NECAB1: variants seen among roughly 807,000 people sequenced by gnomAD.
NECAB1 encodes the protein N-terminal EF-hand calcium-binding protein 1.
A neutral mutation model predicts 57.5 loss-of-function variants in NECAB1; 29 were observed. That is an observed-to-expected ratio of 0.50 (90% CI 0.38 to 0.69). The LOEUF is 0.69. NECAB1 is among the 30% of genes least tolerant of loss of function. The pLI is 0.00. For missense variants in NECAB1, 372 were observed against 413.8 expected, an observed-to-expected ratio of 0.90 and a Z score of 0.88; for synonymous variants, 142 against 147.7, an observed-to-expected ratio of 0.96 and a Z score of 0.28.
intron 4 of NECAB1, chr8:90,872,589 C>A (rs2051992975): frequency 6.5e-6 from 1 of 152,796 alleles, no homozygotes; most frequent in Non-Finnish European, 1.5e-5. Context: ...GTAAATGTCA[C>A]TTGCAAAACA....
At chr8:90,900,484 G>A (rs1023939794) in intron 5 of NECAB1, among the ~76,000 whole-genome samples, 4 of 152,166 alleles carry the variant, frequency 2.6e-5, no homozygotes, top group African/African-American at 9.7e-5. Flanking sequence ...ACACAAAGGG[G>A]TTAGTAGACT....
At chr8:90,917,752 G>C in intron 6 of NECAB1, 124 bp downstream of exon 6, 1 of 884,012 alleles carries the variant, frequency 1.1e-6, no homozygotes, top group South Asian at 3.9e-5. Flanking sequence ...TAAAAAGAAT[G>C]ACAGTGACCT....
chr8:90,900,028 C>G (rs890516376), intron 5 of NECAB1, among the ~76,000 whole-genome samples: 4 of 152,112 alleles, frequency 2.6e-5, no homozygotes, highest in Non-Finnish European at 5.9e-5. Flanking sequence ...TTGAAGAGTA[C>G]CTTAGTGTTT....
intron 6 of NECAB1, among the ~76,000 whole-genome samples, chr8:90,923,095 C>T (rs1197833654): frequency 1.3e-5 from 2 of 152,066 alleles, no homozygotes; most frequent in Non-Finnish European, 2.9e-5. Flanking sequence ...TATCACAGAA[C>T]CTCAGAAAAG....
chr8:90,890,430 C>A (rs1265975363), intron 5 of NECAB1, among the ~76,000 whole-genome samples: 2 of 152,096 alleles, frequency 1.3e-5, no homozygotes, highest in East Asian at 3.9e-4. Flanking sequence ...AATTAAATGT[C>A]TTTTCTTTAT....
Position 90,853,629 on chromosome 8 carries a change from A to T in NECAB1, c.234-18499A>T, listed in dbSNP as rs113505138. On this transcript the variant is annotated intron_variant, in intron 3 of 12. Transcript: ENST00000417640. ...TACTTCTTAGAGTATTTGTTTGTTT[A>T]TTTGGAGAGAATACAATATTAAAAT... 1.9e-3 allele frequency among the ~76,000 whole-genome samples: 286 copies of T among 152,190 alleles called. 1 individual carries two copies. Among genetic ancestry groups the T allele is most frequent in the African/African-American group, 6.7e-3 (278 of 41,526 alleles).
intron 3 of NECAB1, among the ~76,000 whole-genome samples, chr8:90,834,575 C>T (rs903213448): frequency 6.6e-6 from 1 of 152,090 alleles, no homozygotes; most frequent in African/African-American, 2.4e-5. Context: ...ACTTAGCCTC[C>T]AGAACTGTGA....
intron 2 of NECAB1, among the ~76,000 whole-genome samples, chr8:90,810,569 A>G (rs1811942218): frequency 6.6e-6 from 1 of 152,214 alleles, no homozygotes; most frequent in Admixed American, 6.5e-5. Flanking sequence ...AAATATAGTT[A>G]AAGTCCCAAG....
chr8:90,893,648 A>G (rs551039178), intron 5 of NECAB1, among the ~76,000 whole-genome samples: 82 of 151,938 alleles, frequency 5.4e-4, no homozygotes, highest in Admixed American at 3.1e-3. Context: ...GCAACACAAT[A>G]CTCTTTCTGA....
At chr8:90,818,752 C>G (rs554105921) in intron 2 of NECAB1, among the ~76,000 whole-genome samples, 4 of 152,038 alleles carry the variant, frequency 2.6e-5, no homozygotes, top group African/African-American at 9.6e-5. Context: ...CTTTGGTACT[C>G]TCTGAGCTTC....
chr8:90,846,744 G>T (rs1476629417), intron 3 of NECAB1, among the ~76,000 whole-genome samples: 2 of 152,184 alleles, frequency 1.3e-5, no homozygotes, highest in Non-Finnish European at 2.9e-5. Flanking sequence ...GTCTTACATG[G>T]CATTACGCAA....
At chr8:90,906,874 C>CATATATATATATATATATATAT (rs1290352726) in intron 5 of NECAB1, among the ~76,000 whole-genome samples, 4 of 42,652 alleles carry the variant, frequency 9.4e-5, no homozygotes, top group African/African-American at 6.4e-4. Context: ...ATATGATATA[C>CATATATATATATATATATATAT]ACATATATAT....
At chr8:90,792,494 G>T (rs1811593056) in intron 1 of NECAB1, among the ~76,000 whole-genome samples, 1 of 152,118 alleles carries the variant, frequency 6.6e-6, no homozygotes. Flanking sequence ...TTTTTACAGC[G>T]GTGGGAAATA....
At chr8:90,923,560 A>T (rs1459101818) in intron 6 of NECAB1, among the ~76,000 whole-genome samples, 1 of 152,252 alleles carries the variant, frequency 6.6e-6, no homozygotes. Context: ...TCAGACTTGT[A>T]GTTCCTCCTT....
intron 8 of NECAB1, among the ~76,000 whole-genome samples, chr8:90,931,554 G>C (rs1478345652): frequency 1.3e-5 from 2 of 152,186 alleles, no homozygotes; most frequent in Non-Finnish European, 2.9e-5. Context: ...GCCTCCATGA[G>C]AATTTATGGG....
At chr8:90,863,799 T>C (rs1269158077) in intron 3 of NECAB1, among the ~76,000 whole-genome samples, 1 of 152,170 alleles carries the variant, frequency 6.6e-6, no homozygotes, top group East Asian at 1.9e-4. Flanking sequence ...CAATGGAAAC[T>C]ACTTACTAAT....
intron 5 of NECAB1, among the ~76,000 whole-genome samples, chr8:90,893,860 T>TA (rs397956113): frequency 2.0e-5 from 3 of 151,898 alleles, no homozygotes; most frequent in East Asian, 1.9e-4. Flanking sequence ...ATTTTTTTTT[T>TA]AATTATAGTC....
intron 1 of NECAB1, among the ~76,000 whole-genome samples, chr8:90,792,836 C>T (rs1811598300): frequency 1.3e-5 from 2 of 152,090 alleles, no homozygotes; most frequent in Admixed American, 1.3e-4. Flanking sequence ...ATTTTTCCGT[C>T]TGTTGCCTAT....
intron 5 of NECAB1, among the ~76,000 whole-genome samples, chr8:90,893,850 A>ATT (rs5893143): frequency 0.11 from 16,093 of 150,484 alleles, 1,008 homozygotes; most frequent in African/African-American, 0.18. Context: ...AAAGAATGCT[A>ATT]TTTTTTTTTT....
Sources: gnomAD v4.1 joint callset for allele counts (sites outside exome capture counted in the v4.1 genomes callset) on GRCh38, gnomAD v4.1.1 for gene constraint, MANE v1.5 for transcripts, NCBI Gene and HGNC (gene_info 2026-07-23, HGNC 2026-07-21) for gene names.